EDARADD: variants seen among roughly 807,000 people sequenced by gnomAD.
EDARADD encodes EDAR associated via death domain, also known as ectodysplasin-A receptor-associated adapter protein.
In EDARADD, 20 loss-of-function variants were observed where a neutral mutation model predicts 25.6. The ratio of observed to expected loss-of-function variants is 0.78; its 90% CI spans 0.55 to 1.14. The LOEUF (loss-of-function observed/expected upper bound fraction) is 1.14, where lower values mean the gene tolerates loss of function less well. EDARADD is among the 50% of genes most tolerant of loss of function. The pLI is 0.00. For missense variants in EDARADD, 225 were observed against 270.1 expected, an observed-to-expected ratio of 0.83 and a Z score of 1.17; for synonymous variants, 86 against 94.4, an observed-to-expected ratio of 0.91 and a Z score of 0.52.
At chr1:236,448,389 G>C (rs2103025834) in intron 4 of EDARADD, among the ~76,000 whole-genome samples, 2 of 152,328 alleles carry the variant, frequency 1.3e-5, no homozygotes, top group South Asian at 4.1e-4. Context: ...GGCCTGCTGG[G>C]CTGAAGTTGA....
In EDARADD at chr1:236,398,768, T is replaced by C. The variant is rs756975759; in HGVS notation, c.61+4263T>C. On this transcript the variant is annotated intron_variant, in intron 1 of 5. Transcript: ENST00000334232. The surrounding 1 kb of genome is among the most constrained non-coding windows in gnomAD (Gnocchi z 4.1). ...CATAGGTCACCGGGATCCAGCCCGA[T>C]GTTATACATGCTCAGCAAACCCTGT... is the stretch of plus-strand genomic sequence containing the variant. Among the ~76,000 whole-genome samples, 8 of 152,222 alleles carry C rather than the reference T, an allele frequency of 5.3e-5. No individual in the cohort carries two copies. The highest frequency in any genetic ancestry group is 8.8e-5 in the Non-Finnish European group (6 of 68,040).
At chr1:236,481,389 C>T (rs994299770) in intron 5 of EDARADD, among the ~76,000 whole-genome samples, 2 of 152,122 alleles carry the variant, frequency 1.3e-5, no homozygotes, top group African/African-American at 4.8e-5. Flanking sequence ...CACTGTAAGA[C>T]ATAGACAGTC....
At chr1:236,360,548 T>TG (rs1159957238) in intron 3 of EDARADD, among the ~76,000 whole-genome samples, 57 of 141,482 alleles carry the variant, frequency 4.0e-4, no homozygotes, top group Non-Finnish European at 3.5e-4. Context: ...TTTTTTTTTT[T>TG]TTTTTTTTTT....
intron 4 of EDARADD, 35 bp from the exon 5 acceptor site, chr1:236,468,196 T>C (rs2103035731): frequency 6.3e-7 from 1 of 1,599,356 alleles, no homozygotes; most frequent in Non-Finnish European, 8.6e-7. Flanking sequence ...CACATTTGGA[T>C]ATGATTTTAA....
chr1:236,421,214 C>G (rs1657775467), intron 3 of EDARADD, among the ~76,000 whole-genome samples: 1 of 146,960 alleles, frequency 6.8e-6, no homozygotes, highest in Admixed American at 7.1e-5. Flanking sequence ...TGCAGGGCCA[C>G]ATGGAGGTTG....
At chr1:236,440,096 A>G (rs1658362074) in intron 4 of EDARADD, among the ~76,000 whole-genome samples, 1 of 152,068 alleles carries the variant, frequency 6.6e-6, no homozygotes, top group South Asian at 2.1e-4. Flanking sequence ...TTATTCCAGT[A>G]CCATTTGTTG....
At chr1:236,464,256 T>TC in intron 4 of EDARADD, among the ~76,000 whole-genome samples, 1 of 150,892 alleles carries the variant, frequency 6.6e-6, no homozygotes, top group East Asian at 2.0e-4. Context: ...AAGTATTATT[T>TC]TTTTTTTTTT....
chr1:236,431,469 C>T (rs1279942096), intron 4 of EDARADD, among the ~76,000 whole-genome samples: 1 of 152,080 alleles, frequency 6.6e-6, no homozygotes, highest in Non-Finnish European at 1.5e-5. Context: ...CAGAAAGAAC[C>T]CTTTACTTTT....
At chr1:236,371,028 CA>C (rs1364875122) in intron 3 of EDARADD, among the ~76,000 whole-genome samples, 2 of 152,190 alleles carry the variant, frequency 1.3e-5, no homozygotes, top group African/African-American at 2.4e-5. Flanking sequence ...CATAATTTTG[CA>C]AAGGCAGTTT....
chr1:236,469,012 T>C (rs1659290281), intron 5 of EDARADD, among the ~76,000 whole-genome samples: 1 of 152,274 alleles, frequency 6.6e-6, no homozygotes, highest in South Asian at 2.1e-4. Flanking sequence ...TGACATTAGG[T>C]CAGGTGTTAG....
chr1:236,428,742 G>GCACCACCCCGAGATT (rs2103016840), intron 4 of EDARADD, among the ~76,000 whole-genome samples: 1 of 149,928 alleles, frequency 6.7e-6, no homozygotes, highest in East Asian at 1.9e-4. Flanking sequence ...GTGGCGGCCG[G>GCACCACCCCGAGATT]GCAGAGGCTG....
chr1:236,482,244 G>T lies in EDARADD; in HGVS notation c.266-23G>T, dbSNP rs759679168. ...ATGTTAGGCCTCTTGTTGACCTGTG[G>T]ACTAAATTGTTTCTCCCTGCAGAGA... On this transcript the variant is annotated intron_variant, in intron 5 of 5. Coordinates refer to ENST00000334232, the MANE Select transcript of EDARADD (RefSeq NM_145861.4). The T allele has an allele frequency of 1.9e-6, 3 of 1,614,114 alleles. No homozygotes were observed. In the South Asian group the frequency reaches 3.3e-5, roughly 18 times the overall value.
chr1:236,448,348 A>G (rs1464864133), intron 4 of EDARADD, among the ~76,000 whole-genome samples: 4 of 152,232 alleles, frequency 2.6e-5, no homozygotes, highest in African/African-American at 9.6e-5. Context: ...TGTGGTCTGC[A>G]TGTGGGCTGC....
At chr1:236,425,490 C>T (rs1657891698) in intron 3 of EDARADD, among the ~76,000 whole-genome samples, 2 of 152,184 alleles carry the variant, frequency 1.3e-5, no homozygotes, top group South Asian at 4.1e-4. Context: ...CTGCAAAGGA[C>T]CGCCCCCGTG....
intron 3 of EDARADD, among the ~76,000 whole-genome samples, chr1:236,360,537 G>GT (rs869053977): frequency 0.022 from 2,834 of 131,092 alleles, 144 homozygotes; most frequent in African/African-American, 0.044. Flanking sequence ...TTAATTCACG[G>GT]TTTTTTTTTT....
intron 1 of EDARADD, among the ~76,000 whole-genome samples, chr1:236,397,856 C>G (rs554065513): frequency 6.6e-6 from 1 of 152,228 alleles, no homozygotes; most frequent in East Asian, 1.9e-4. Context: ...CACACACACC[C>G]CAATTTCCCC....
At chr1:236,428,634 G>A (rs1657995859) in intron 4 of EDARADD, among the ~76,000 whole-genome samples, 1 of 140,910 alleles carries the variant, frequency 7.1e-6, no homozygotes, top group African/African-American at 2.6e-5. Context: ...GGGCGGAGAC[G>A]CTCCTCACTT....
In EDARADD at chr1:236,484,357, C is replaced by G; in HGVS notation, c.*1708C>G. On this transcript the variant is annotated 3_prime_UTR_variant, in exon 6 of 6. Coordinates refer to ENST00000334232, the MANE Select transcript of EDARADD (RefSeq NM_145861.4). The surrounding 1 kb of genome is among the most constrained non-coding windows in gnomAD (Gnocchi z 4.1). ...CCTGGGCAGCTCAAGACTGGTGCCCCTTGCTGATCTGAGCGCTTGGCCAAG... is the reference window on the plus strand; with the variant it reads ...CCTGGGCAGCTCAAGACTGGTGCCCGTTGCTGATCTGAGCGCTTGGCCAAG... The G allele has an allele frequency of 1.5e-5, 23 of 1,525,358 alleles. No individual in the cohort carries two copies. Among genetic ancestry groups the G allele is most frequent in the Non-Finnish European group, 1.9e-5 (21 of 1,099,790 alleles). The allele number at this position is 1,525,358 out of a possible 1,614,324, so 94.5% of individuals were successfully genotyped here.
chr1:236,440,772 T>G (rs2103022129), intron 4 of EDARADD, among the ~76,000 whole-genome samples: 1 of 152,302 alleles, frequency 6.6e-6, no homozygotes, highest in Middle Eastern at 3.4e-3. Context: ...TGGGGCACCA[T>G]GAACTGCACC....
Sources: gnomAD v4.1 joint callset for allele counts (sites outside exome capture counted in the v4.1 genomes callset) on GRCh38, gnomAD v4.1.1 for gene constraint, Gnocchi (gnomAD v3.1) non-coding constraint, MANE v1.5 for transcripts, NCBI Gene and HGNC (gene_info 2026-07-23, HGNC 2026-07-21) for gene names.